SLC25A30: variants seen among roughly 807,000 people sequenced by gnomAD.
SLC25A30 encodes solute carrier family 25 member 30, also known as kidney mitochondrial carrier protein 1.
SLC25A30 carries 29 observed loss-of-function variants against 42.7 expected under a neutral mutation model. That is an observed-to-expected ratio of 0.68 (90% CI 0.51 to 0.93). SLC25A30 has a LOEUF of 0.93. SLC25A30 is among the 40% of genes least tolerant of loss of function. The pLI is 0.00. For missense variants in SLC25A30, 300 were observed against 359.7 expected, an observed-to-expected ratio of 0.83 and a Z score of 1.34; for synonymous variants, 124 against 131.0, an observed-to-expected ratio of 0.95 and a Z score of 0.37.
In SLC25A30 at chr13:45,393,328, T is replaced by C; in HGVS notation, c.*2646A>G. ...TAACCAGAAATCATTTTTATTATTA[T>C]ATATTACTCCAGTTTATTAAATAAA... On this transcript the variant is annotated 3_prime_UTR_variant, in exon 10 of 10. Coordinates refer to ENST00000519676, the MANE Select transcript of SLC25A30 (RefSeq NM_001010875.4). 1.0e-6 allele frequency: 1 copy of C among 962,216 alleles called. No homozygotes were observed. Among genetic ancestry groups the C allele is most frequent in the Non-Finnish European group, 1.2e-6 (1 of 808,756 alleles). The allele number at this position is 962,216 out of a possible 1,614,324, so 59.6% of individuals were successfully genotyped here.
Position 45,405,966 on chromosome 13 carries a change from G to A in SLC25A30, c.224C>T (p.Ala75Val), listed in dbSNP as rs775437203. 24 of 1,614,030 alleles carry A rather than the reference G, an allele frequency of 1.5e-5. No individual in the cohort carries two copies. The highest frequency in any genetic ancestry group is 1.9e-5 in the Non-Finnish European group (22 of 1,180,008). Residue 75 changes from alanine to valine, a missense_variant, in exon 4 of 10, where the codon GCG becomes GTG. Physicochemically the swap from Ala to Val is moderately conservative, Grantham distance 64 (BLOSUM62 0). Transcript: ENST00000519676. ...LKALYSGIAP[A>V]MLRQASYGTI... ...GCCATAGGATGCCTGGCGTAACATCGCGGGGGCAATCCTGTTAAACCAATG... is the reference window on the plus strand; with the variant it reads ...GCCATAGGATGCCTGGCGTAACATCACGGGGGCAATCCTGTTAAACCAATG...
chr13:45,410,170 T>C (rs903187528), intron 2 of SLC25A30, among the ~76,000 whole-genome samples: 5 of 152,238 alleles, frequency 3.3e-5, no homozygotes, highest in African/African-American at 1.2e-4. Context: ...AAACAGGATC[T>C]GATGTGGAAC....
Position 45,395,786 on chromosome 13 carries a change from C to A in SLC25A30, c.*188G>T. 1 of 1,467,068 alleles carries A rather than the reference C, an allele frequency of 6.8e-7. No individual in the cohort carries two copies. 90.9% of individuals were successfully genotyped at this position (1,467,068 alleles called of 1,614,324 possible). ...CTAGTGTTTGGATGTTAGTTTATGC[C>A]ATTAAACGTTTGATGAAGAGCATCC... On this transcript the variant is annotated 3_prime_UTR_variant, in exon 10 of 10. Transcript: ENST00000519676.
At chr13:45,418,955 A>AAAC (rs1883774214), upstream of SLC25A30, among the ~76,000 whole-genome samples, 1 of 69,620 alleles carries the variant, frequency 1.4e-5, no homozygotes, top group Non-Finnish European at 2.8e-5. Flanking sequence ...AAAAAAAAAA[A>AAAC]AAAAAAAAAA....
At chr13:45,425,096 T>C in the SLC25A30 span, among the ~76,000 whole-genome samples, 1 of 10,392 alleles carries the variant, frequency 9.6e-5, no homozygotes, top group Non-Finnish European at 1.5e-4. Context: ...ATAAATATAT[T>C]TATAAATATA....
chr13:45,410,771 G>A (rs752790081), intron 2 of SLC25A30, among the ~76,000 whole-genome samples: 8 of 152,106 alleles, frequency 5.3e-5, no homozygotes, highest in Non-Finnish European at 1.0e-4. Flanking sequence ...GAGATCAGAC[G>A]ACTGCACTCC....
upstream of SLC25A30, among the ~76,000 whole-genome samples, chr13:45,419,222 T>A (rs1181702479): frequency 6.7e-6 from 1 of 148,766 alleles, no homozygotes; most frequent in Non-Finnish European, 1.5e-5. Flanking sequence ...TACATATATA[T>A]CTAATATACA....
At position 45,395,826 on chromosome 13, in the gene SLC25A30, G is replaced by A. The variant is rs375469586; in HGVS notation, c.*148C>T. The A allele has an allele frequency of 1.5e-4, 227 of 1,543,392 alleles. 2 individuals are homozygous for A. The South Asian group carries it at 2.3e-3, about 15-fold the overall frequency. On this transcript the variant is annotated 3_prime_UTR_variant, in exon 10 of 10. Transcript: ENST00000519676. ...GAAGAGCATCCAATGCCAACACACA[G>A]CAATCTCAACTAACCCAGTCTTCAT... is the stretch of plus-strand genomic sequence containing the variant.
chr13:45,396,301 A>G, intron 9 of SLC25A30: 1 of 1,286,532 alleles, frequency 7.8e-7, no homozygotes, highest in Admixed American at 3.3e-5. Context: ...TGGTGGAAAA[A>G]CTTTCCAGCA....
the SLC25A30 span, among the ~76,000 whole-genome samples, chr13:45,424,855 T>G: frequency 5.1e-5 from 3 of 58,712 alleles, no homozygotes; most frequent in South Asian, 1.1e-3. Flanking sequence ...TATATAAATA[T>G]ATATATAAAA....
chr13:45,430,931 T>C, the SLC25A30 span, among the ~76,000 whole-genome samples: 2 of 152,166 alleles, frequency 1.3e-5, no homozygotes, highest in Non-Finnish European at 2.9e-5. Context: ...AATATTAGGA[T>C]GCCTCAGGGC....
At chr13:45,398,827 TG>T in intron 8 of SLC25A30, 112 bp downstream of exon 8, 1 of 1,187,256 alleles carries the variant, frequency 8.4e-7, no homozygotes, top group Non-Finnish European at 1.2e-6. Flanking sequence ...TGTACATCTC[TG>T]GGCTTTAAAG....
chr13:45,398,965 G>A lies in SLC25A30; in HGVS notation c.728C>T (p.Thr243Ile). ...VLRDGRCSGYTGTLDCLLQTW... is the reference protein window; with the variant it reads ...VLRDGRCSGYIGTLDCLLQTW... ...CTGTAACAAGCAATCCAGGGTTCCT[G>A]TGTAGCCAGAACATCTGCCATCTCG... Residue 243 changes from threonine (T) to isoleucine (I), a missense_variant, in exon 8 of 10, where the codon ACA becomes ATA. Thr to Ile is a moderately conservative substitution (Grantham distance 89). Transcript: ENST00000519676. 6.2e-7 allele frequency: 1 copy of A among 1,614,124 alleles called. No individual in the cohort carries two copies. The highest frequency in any genetic ancestry group is 8.5e-7 in the Non-Finnish European group (1 of 1,180,018).
At chr13:45,425,370 A>AT in the SLC25A30 span, among the ~76,000 whole-genome samples, 1 of 110,596 alleles carries the variant, frequency 9.0e-6, no homozygotes, top group Non-Finnish European at 1.7e-5. Flanking sequence ...ATATGTATAA[A>AT]AATATATAAG....
At chr13:45,415,632 T>G (rs1213224557) in intron 1 of SLC25A30, among the ~76,000 whole-genome samples, 3 of 150,596 alleles carry the variant, frequency 2.0e-5, no homozygotes, top group African/African-American at 7.3e-5. Flanking sequence ...ATGCCTGTAA[T>G]CCCAGTTACT....
At position 45,393,644 on chromosome 13, in the gene SLC25A30, T is replaced by C; in HGVS notation, c.*2330A>G. 1.0e-6 allele frequency: 1 copy of C among 985,462 alleles called. No individual in the cohort carries two copies. The highest frequency in any genetic ancestry group is 1.2e-6 in the Non-Finnish European group (1 of 829,944). 61.0% of individuals were successfully genotyped at this position (985,462 alleles called of 1,614,324 possible). On this transcript the variant is annotated 3_prime_UTR_variant, in exon 10 of 10. Transcript: ENST00000519676. ...GGGGAGGTACTTATAGCCAGAACCC[T>C]GACAACGAGGGGACCAAGTCTCCCA...
chr13:45,414,400 C>A (rs1883307432), intron 1 of SLC25A30, among the ~76,000 whole-genome samples: 1 of 152,016 alleles, frequency 6.6e-6, no homozygotes, highest in South Asian at 2.1e-4. Context: ...GGCGGATCAC[C>A]TGAGGTCAGG....
Position 45,393,754 on chromosome 13 carries a change from T to C in SLC25A30, c.*2220A>G. 1.0e-6 allele frequency: 1 copy of C among 985,414 alleles called. No individual in the cohort carries two copies. Among genetic ancestry groups the C allele is most frequent in the Non-Finnish European group, 1.2e-6 (1 of 829,924 alleles). 61.0% of individuals were successfully genotyped at this position (985,414 alleles called of 1,614,324 possible). On this transcript the variant is annotated 3_prime_UTR_variant, in exon 10 of 10. Transcript: ENST00000519676. ...ACAGAAAAAGCAGGTTAAGATCCTG[T>C]TCAATAAGGCACTTAATAAGTCTAC... is the stretch of plus-strand genomic sequence containing the variant.
chr13:45,426,179 C>T, the SLC25A30 span, among the ~76,000 whole-genome samples: 1 of 151,474 alleles, frequency 6.6e-6, no homozygotes, highest in Non-Finnish European at 1.5e-5. Flanking sequence ...CTCCGCCTCC[C>T]AGGTTCAAGC....
Sources: allele counts gnomAD v4.1 joint callset (sites outside exome capture counted in the v4.1 genomes callset), GRCh38; gene constraint gnomAD v4.1.1; transcripts MANE v1.5; gene names NCBI Gene and HGNC (gene_info 2026-07-23, HGNC 2026-07-21).